ANK3: variants seen among roughly 807,000 people sequenced by gnomAD.
ANK3 encodes the protein ankyrin-3.
Under a neutral mutation model 370.9 loss-of-function variants are expected in ANK3, and 57 were observed. That is an observed-to-expected ratio of 0.15 (90% CI 0.12 to 0.19). The LOEUF (loss-of-function observed/expected upper bound fraction) is 0.19. ANK3 is among the 10% of genes least tolerant of loss of function. The pLI is 1.00. For missense variants in ANK3, 4,439 were observed against 5,302.1 expected (o/e 0.84, Z 5.06); for synonymous variants, 1,929 against 1,946.3 (o/e 0.99, Z 0.23).
chr10:60,719,131 A>T (rs1258883303), intron 1 of ANK3, among the ~76,000 whole-genome samples: 1 of 152,066 alleles, frequency 6.6e-6, no homozygotes, highest in Non-Finnish European at 1.5e-5. Context: ...GTATTATGCA[A>T]TACTCACTGC....
chr10:60,289,747 A>G (rs1026896422), intron 1 of ANK3, among the ~76,000 whole-genome samples: 2 of 152,196 alleles, frequency 1.3e-5, no homozygotes, highest in Non-Finnish European at 2.9e-5. Flanking sequence ...GCTTGGTAGC[A>G]CTGAGAAGTA....
At chr10:60,414,640 C>T (rs1333659878) in intron 2 of ANK3, among the ~76,000 whole-genome samples, 1 of 152,128 alleles carries the variant, frequency 6.6e-6, no homozygotes, top group African/African-American at 2.4e-5. Context: ...TGCCTTCTCT[C>T]CTACGTGCCA....
chr10:60,415,663 T>C (rs2063646847), intron 2 of ANK3, among the ~76,000 whole-genome samples: 1 of 152,152 alleles, frequency 6.6e-6, no homozygotes, highest in African/African-American at 2.4e-5. Context: ...AATGAACCTG[T>C]TAATTTCCTA....
At position 60,073,075 on chromosome 10, in the gene ANK3, T is replaced by G; in HGVS notation, c.7806A>C (p.Leu2602=). 4 of 1,614,168 alleles carry G rather than the reference T, an allele frequency of 2.5e-6. No homozygotes were observed. The highest frequency in any genetic ancestry group is 3.4e-6 in the Non-Finnish European group (4 of 1,180,018). The change falls in exon 37 of 44, where the codon CTA becomes CTC. Residue 2602 remains leucine (L), a synonymous_variant. Transcript: ENST00000280772. ...SQFFRDKTEK[L]NDELQSPEKK... is the part of the protein sequence containing the mutation. ...TCTCTGGGGACTGCAGTTCATCATT[T>G]AGCTTTTCAGTTTTGTCACGAAAAA... is the stretch of plus-strand genomic sequence containing the variant.
intron 2 of ANK3, among the ~76,000 whole-genome samples, chr10:60,492,503 C>A (rs999637268): frequency 6.6e-6 from 1 of 151,198 alleles, no homozygotes; most frequent in Non-Finnish European, 1.5e-5. Context: ...GTCAGGAGAT[C>A]GAGACTATCC....
At position 60,468,995 on chromosome 10, in the gene ANK3, G is replaced by GTATA. The variant is rs1464396090; in HGVS notation, c.96+146190_96+146191insTATA. On this transcript the variant is annotated intron_variant, in intron 2 of 43. Transcript: ENST00000373827. Reference sequence around the variant, plus strand: ...CCACTATATATATACCACTTTTAGTGTGTATATATATATATATATATATAC... The same window carrying GTATA: ...CCACTATATATATACCACTTTTAGTGTATATGTATATATATATATATATATATAC... Among the ~76,000 whole-genome samples the GTATA allele has an allele frequency of 5.4e-3, 188 of 34,556 alleles. 16 individuals are homozygous for GTATA. The highest frequency in any genetic ancestry group is 0.019 in the African/African-American group (173 of 9,156). 22.7% of individuals were successfully genotyped at this position (34,556 alleles called of 152,430 possible).
At chr10:60,729,743 A>G (rs1251637061) in intron 1 of ANK3, among the ~76,000 whole-genome samples, 1 of 152,222 alleles carries the variant, frequency 6.6e-6, no homozygotes. Context: ...GAAAAATACT[A>G]CCATCTACTC....
intron 2 of ANK3, among the ~76,000 whole-genome samples, chr10:60,397,788 T>G (rs1171023908): frequency 6.6e-6 from 1 of 152,204 alleles, no homozygotes; most frequent in Non-Finnish European, 1.5e-5. Flanking sequence ...GATTAAAGTT[T>G]GAATATTCAA....
chr10:60,618,369 C>T (rs1218993230), intron 1 of ANK3, among the ~76,000 whole-genome samples: 2 of 152,134 alleles, frequency 1.3e-5, no homozygotes, highest in Non-Finnish European at 2.9e-5. Flanking sequence ...ATGTAGGTCA[C>T]TCATTATTAT....
intron 2 of ANK3, among the ~76,000 whole-genome samples, chr10:60,548,862 GA>G (rs1298050143): frequency 1.3e-5 from 2 of 152,028 alleles, no homozygotes; most frequent in African/African-American, 4.8e-5. Flanking sequence ...TTATGGCTAG[GA>G]AAGCTAAAGA....
chr10:60,579,870 G>A (rs189810014), intron 2 of ANK3, among the ~76,000 whole-genome samples: 96 of 152,042 alleles, frequency 6.3e-4, no homozygotes, highest in Non-Finnish European at 9.4e-4. Flanking sequence ...TAAATGATTC[G>A]TACATTTAAG....
At chr10:60,256,261 G>A (rs1200881960) in intron 7 of ANK3, among the ~76,000 whole-genome samples, 3 of 152,148 alleles carry the variant, frequency 2.0e-5, no homozygotes, top group South Asian at 4.1e-4. Flanking sequence ...GACTAATAAA[G>A]TACTAAGTAT....
intron 1 of ANK3, among the ~76,000 whole-genome samples, chr10:60,328,052 T>C (rs1374379841): frequency 4.6e-5 from 7 of 152,172 alleles, no homozygotes; most frequent in African/African-American, 1.2e-4. Context: ...GAATCCCTTC[T>C]AAAAGGTATC....
intron 2 of ANK3, among the ~76,000 whole-genome samples, chr10:60,474,871 G>T (rs188376192): frequency 6.6e-6 from 1 of 152,130 alleles, no homozygotes; most frequent in East Asian, 1.9e-4. Context: ...TCTAAGTAGT[G>T]GGAATGTAGG....
At chr10:60,728,536 T>C (rs1232604454) in intron 1 of ANK3, among the ~76,000 whole-genome samples, 2 of 152,374 alleles carry the variant, frequency 1.3e-5, no homozygotes, top group South Asian at 2.1e-4. Flanking sequence ...AGGAAATGTA[T>C]CACTTATTAC....
intron 1 of ANK3, among the ~76,000 whole-genome samples, chr10:60,694,952 C>A (rs539005778): frequency 1.3e-5 from 2 of 148,394 alleles, no homozygotes; most frequent in Non-Finnish European, 3.0e-5. Context: ...CACAGACTGG[C>A]AAATTGGATA....
chr10:60,688,958 A>G (rs1243263760), intron 1 of ANK3, among the ~76,000 whole-genome samples: 1 of 73,280 alleles, frequency 1.4e-5, no homozygotes, highest in Non-Finnish European at 3.5e-5. Context: ...AAAAAAAAGA[A>G]AAAAAAAAAA....
At chr10:60,420,650 A>T (rs1394848819) in intron 2 of ANK3, among the ~76,000 whole-genome samples, 2 of 152,128 alleles carry the variant, frequency 1.3e-5, no homozygotes, top group Admixed American at 1.3e-4. Context: ...AAAATGAACC[A>T]TTATTACACC....
chr10:60,331,664 A>G (rs1224769861), intron 1 of ANK3, among the ~76,000 whole-genome samples: 1 of 152,042 alleles, frequency 6.6e-6, no homozygotes, highest in Non-Finnish European at 1.5e-5. Context: ...CTTCCTGCCC[A>G]TCCTTCTTTC....
Sources: allele counts gnomAD v4.1 joint callset (sites outside exome capture counted in the v4.1 genomes callset), GRCh38; gene constraint gnomAD v4.1.1; transcripts MANE v1.5; gene names NCBI Gene and HGNC (gene_info 2026-07-23, HGNC 2026-07-21).